HSF2BP: variants seen among roughly 807,000 people sequenced by gnomAD.
The protein encoded by HSF2BP is heat shock factor 2-binding protein.
A neutral mutation model predicts 35.0 loss-of-function variants in HSF2BP; 35 were observed. That is an observed-to-expected ratio of 1.00 (90% CI 0.76 to 1.32). The LOEUF is 1.32. HSF2BP is among the 40% of genes most tolerant of loss of function. The pLI, the probability that HSF2BP is intolerant of heterozygous loss-of-function variation, is 0.00. For synonymous variants in HSF2BP, 114 were observed against 117.4 expected, an observed-to-expected ratio of 0.97 and a Z score of 0.18; for missense variants, 326 against 321.7, an observed-to-expected ratio of 1.01 and a Z score of -0.10.
intron 7 of HSF2BP, among the ~76,000 whole-genome samples, chr21:43,599,683 A>G (rs980888094): frequency 1.3e-5 from 2 of 151,752 alleles, no homozygotes; most frequent in Admixed American, 6.6e-5. Flanking sequence ...AGTCCCAGCT[A>G]CTCGGGAGGC....
At chr21:43,585,568 C>T (rs1254204347) in intron 8 of HSF2BP, among the ~76,000 whole-genome samples, 1 of 151,768 alleles carries the variant, frequency 6.6e-6, no homozygotes, top group Non-Finnish European at 1.5e-5. Flanking sequence ...TCGCTTGAAC[C>T]CAGGAGGCAG....
At chr21:43,622,697 G>A (rs960119456) in intron 6 of HSF2BP, among the ~76,000 whole-genome samples, 2 of 151,984 alleles carry the variant, frequency 1.3e-5, no homozygotes, top group African/African-American at 4.8e-5. Flanking sequence ...TCTAAAGGGA[G>A]AAATTGACTG....
intron 8 of HSF2BP, among the ~76,000 whole-genome samples, chr21:43,572,184 C>T (rs1031655169): frequency 3.9e-5 from 6 of 152,076 alleles, no homozygotes; most frequent in Non-Finnish European, 5.9e-5. Context: ...GAACACAGGG[C>T]GAGCCCCAGG....
At chr21:43,655,651 T>C (rs1210869716) in intron 3 of HSF2BP, among the ~76,000 whole-genome samples, 1 of 152,130 alleles carries the variant, frequency 6.6e-6, no homozygotes, top group South Asian at 2.1e-4. Flanking sequence ...ATGCCTTCCA[T>C]TGGTGAGCCC....
chr21:43,615,322 T>A (rs146937208), intron 6 of HSF2BP, among the ~76,000 whole-genome samples: 56 of 152,358 alleles, frequency 3.7e-4, no homozygotes, highest in East Asian at 3.7e-3. Flanking sequence ...CCTTTATCAG[T>A]TTAAAGAAGT....
At chr21:43,584,079 T>C (rs2081811185) in intron 8 of HSF2BP, among the ~76,000 whole-genome samples, 1 of 140,234 alleles carries the variant, frequency 7.1e-6, no homozygotes, top group African/African-American at 2.7e-5. Flanking sequence ...CTGAGGGAGA[T>C]GAAGGGCCTG....
intron 1 of HSF2BP, among the ~76,000 whole-genome samples, chr21:43,658,761 G>T (rs1029083096): frequency 1.3e-5 from 2 of 152,348 alleles, no homozygotes; most frequent in African/African-American, 4.8e-5. Flanking sequence ...GCCTCGGGAC[G>T]CCTGCGCGGG....
At chr21:43,652,400 CA>C (rs35714746) in intron 3 of HSF2BP, among the ~76,000 whole-genome samples, 48,581 of 89,240 alleles carry the variant, frequency 0.54, 9,672 homozygotes, top group East Asian at 0.67. Context: ...CAGACACCAT[CA>C]AAAAAAAAAA....
intron 8 of HSF2BP, among the ~76,000 whole-genome samples, chr21:43,575,781 G>A (rs2081635737): frequency 6.6e-6 from 1 of 152,158 alleles, no homozygotes; most frequent in African/African-American, 2.4e-5. Flanking sequence ...CAAGATTAGT[G>A]CACACTAAAA....
At chr21:43,644,736 A>C (rs553722595) in intron 3 of HSF2BP, among the ~76,000 whole-genome samples, 1 of 152,358 alleles carries the variant, frequency 6.6e-6, no homozygotes, top group East Asian at 1.9e-4. Context: ...CTCATGGCAC[A>C]GACTTGTCGC....
chr21:43,658,145 G>A lies in HSF2BP; in HGVS notation c.-49C>T. 2.7e-6 allele frequency: 4 copies of A among 1,487,808 alleles called. No individual in the cohort carries two copies. The highest frequency in any genetic ancestry group is 3.6e-6 in the Non-Finnish European group (4 of 1,121,658). 92.2% of individuals were successfully genotyped at this position (1,487,808 alleles called of 1,614,324 possible). ...TCGCCTGAGCGTCGGCGCGCCCTCT[G>A]ACCCCTCACGCCAGAAAGCGCGGGA... On this transcript the variant is annotated 5_prime_UTR_variant, in exon 2 of 9. Transcript: ENST00000291560.
chr21:43,588,562 A>G lies in HSF2BP; in HGVS notation c.796+3663T>C, dbSNP rs2081887146. Among the ~76,000 whole-genome samples, 3 of 152,106 alleles carry G rather than the reference A, an allele frequency of 2.0e-5. No homozygotes were observed. The South Asian group carries it at 6.2e-4, about 32-fold the overall frequency. Reference sequence around the variant, plus strand: ...TAACCTTGGCACCTTACTCACTTCCATGCCTCAGTTTCTTCATCTATGATA... The same window carrying G: ...TAACCTTGGCACCTTACTCACTTCCGTGCCTCAGTTTCTTCATCTATGATA... On this transcript the variant is annotated intron_variant, in intron 8 of 8. Transcript: ENST00000291560.
rs367897310 is a variant in HSF2BP, at chr21:43,598,303, C to A, written c.693-5975G>T. 2.6e-5 allele frequency among the ~76,000 whole-genome samples: 4 copies of A among 152,090 alleles called. No homozygotes were observed. In the South Asian group the frequency reaches 8.3e-4, roughly 32 times the overall value. ...CCCTGCAACCTCCACCTCCCAGGTT[C>A]CAGCAATTCTCCTGCCTCAGCCTCC... On this transcript the variant is annotated intron_variant, in intron 7 of 8. Coordinates refer to ENST00000291560, the MANE Select transcript of HSF2BP (RefSeq NM_007031.2).
At position 43,633,273 on chromosome 21, in the gene HSF2BP, C is replaced by T. The variant is rs368220392; in HGVS notation, c.440G>A (p.Gly147Glu). 261 of 1,611,078 alleles carry T rather than the reference C, an allele frequency of 1.6e-4. No homozygotes were observed. Among genetic ancestry groups the T allele is most frequent in the Non-Finnish European group, 2.2e-4 (256 of 1,179,204 alleles). The change falls in exon 5 of 9, where the codon GGA becomes GAA. Residue 147 changes from glycine to glutamate, a missense_variant and splice_region_variant. Coordinates refer to ENST00000291560, the MANE Select transcript of HSF2BP (RefSeq NM_007031.2). The stretch of plus-strand genomic sequence containing the variant: ...GGAGAGCCCACTGACCATACTTACT[C>T]CTCCCAAAATGGCCTTGACGACTTC... ...SEEVVKAILG[G>E]DKALKFFSIT...
At chr21:43,535,736 AAATAAAATAAAATAAAAT>A (rs1360779064) in intron 8 of HSF2BP, among the ~76,000 whole-genome samples, 5 of 2,218 alleles carry the variant, frequency 2.3e-3, no homozygotes, top group African/African-American at 0.011. Context: ...AAATAAAATA[AAATAAAATAAAATAAAAT>A]AATAAAATAA....
intron 7 of HSF2BP, among the ~76,000 whole-genome samples, chr21:43,606,241 G>A (rs1029241748): frequency 6.6e-5 from 10 of 152,268 alleles, no homozygotes; most frequent in African/African-American, 2.2e-4. Context: ...GCTGGAAACC[G>A]GGAGAAATGA....
At chr21:43,578,159 C>G (rs1403495585) in intron 8 of HSF2BP, among the ~76,000 whole-genome samples, 1 of 152,186 alleles carries the variant, frequency 6.6e-6, no homozygotes, top group African/African-American at 2.4e-5. Flanking sequence ...CCTGCACTGA[C>G]CACCTTATGC....
chr21:43,585,780 G>C (rs1184072596), intron 8 of HSF2BP, among the ~76,000 whole-genome samples: 1 of 152,182 alleles, frequency 6.6e-6, no homozygotes, highest in Non-Finnish European at 1.5e-5. Context: ...AAGGAGTCAA[G>C]AATCACTCGA....
intron 4 of HSF2BP, among the ~76,000 whole-genome samples, chr21:43,641,676 G>A (rs950458368): frequency 9.2e-5 from 14 of 151,966 alleles, no homozygotes; most frequent in Admixed American, 5.2e-4. Flanking sequence ...AGCCAGGCAC[G>A]GTGGCTCACG....
Sources: allele counts gnomAD v4.1 joint callset (sites outside exome capture counted in the v4.1 genomes callset), GRCh38; gene constraint gnomAD v4.1.1; transcripts MANE v1.5; gene names NCBI Gene and HGNC (gene_info 2026-07-23, HGNC 2026-07-21).